Variants in CRYBG1 observed in about 807,000 individuals in gnomAD.
CRYBG1 encodes crystallin beta-gamma domain containing 1.
Under a neutral mutation model 189.2 loss-of-function variants are expected in CRYBG1, and 139 were observed. That is an observed-to-expected ratio of 0.73 (90% CI 0.64 to 0.85). The LOEUF (loss-of-function observed/expected upper bound fraction) is 0.85. Among genes scored for constraint, CRYBG1 ranks in the 40% least tolerant of loss-of-function variants. The pLI is 0.00. For synonymous variants in CRYBG1, 1,023 were observed against 1,017.1 expected (o/e 1.01, Z -0.11); for missense variants, 2,611 against 2,675.8 (o/e 0.98, Z 0.53).
intron 3 of CRYBG1, among the ~76,000 whole-genome samples, chr6:106,517,337 TATATACAC>T (rs1562098963): frequency 5.9e-5 from 7 of 118,078 alleles, no homozygotes; most frequent in African/African-American, 2.5e-4. Context: ...TACACATATA[TATATACAC>T]ACACATATAT....
chr6:106,430,986 C>T (rs192173839), intron 1 of CRYBG1, among the ~76,000 whole-genome samples: 5 of 152,178 alleles, frequency 3.3e-5, no homozygotes, highest in South Asian at 2.1e-4. Context: ...CTCAGCCTCC[C>T]GAGTGGCTGG....
At position 106,361,051 on chromosome 6, in the gene CRYBG1, A is replaced by T; in HGVS notation, c.143A>T (p.His48Leu). The change falls in exon 1 of 22, where the codon CAC becomes CTC. Residue 48 changes from histidine to leucine, a missense_variant. Physicochemically the swap from His to Leu is moderately conservative, Grantham distance 99. Coordinates refer to ENST00000633556, the MANE Select transcript of CRYBG1 (RefSeq NM_001371242.2). ...APPDCGVFVP[H>L]PLPAPAGEAR... ...CCTGACTGTGGGGTGTTCGTTCCGC[A>T]CCCGCTCCCGGCGCCTGCCGGAGAG... 6.5e-7 allele frequency: 1 copy of T among 1,533,966 alleles called. No homozygotes were observed. Among genetic ancestry groups the T allele is most frequent in the East Asian group, 2.5e-5 (1 of 40,704 alleles).
intron 2 of CRYBG1, among the ~76,000 whole-genome samples, chr6:106,505,455 C>T (rs1773110591): frequency 6.6e-6 from 1 of 152,076 alleles, no homozygotes; most frequent in South Asian, 2.1e-4. Flanking sequence ...TCTTGAACTC[C>T]TGACCTTAAG....
At chr6:106,455,937 A>T (rs118184107) in intron 2 of CRYBG1, among the ~76,000 whole-genome samples, 2 of 152,130 alleles carry the variant, frequency 1.3e-5, no homozygotes, top group Middle Eastern at 3.2e-3. Context: ...ACTCTAATCT[A>T]TAGACTATTG....
chr6:106,482,706 C>T (rs1417495607), intron 2 of CRYBG1, among the ~76,000 whole-genome samples: 1 of 152,078 alleles, frequency 6.6e-6, no homozygotes, highest in East Asian at 1.9e-4. Context: ...ACCGGGGAGA[C>T]AGAGGTTGCA....
At chr6:106,383,885 A>G (rs1349649445) in intron 1 of CRYBG1, among the ~76,000 whole-genome samples, 1 of 152,250 alleles carries the variant, frequency 6.6e-6, no homozygotes, top group Non-Finnish European at 1.5e-5. Context: ...TGAGATTAGT[A>G]CATGGGGCTA....
intron 17 of CRYBG1, among the ~76,000 whole-genome samples, 190 bp from the exon 18 acceptor site, chr6:106,558,292 AAACT>A (rs1458415390): frequency 2.6e-5 from 4 of 151,972 alleles, no homozygotes; most frequent in Non-Finnish European, 5.9e-5. Flanking sequence ...TGCAATGGAG[AAACT>A]AACTGCCCCT....
At chr6:106,543,301 ATAACAGGCGTGAG>A (rs1774178126) in intron 10 of CRYBG1, 126 bp from the exon 11 acceptor site, 4 of 756,642 alleles carry the variant, frequency 5.3e-6, no homozygotes, top group Non-Finnish European at 8.4e-6. Context: ...AAGTGCTGGG[ATAACAGGCGTGAG>A]CCACCGCGCC....
intron 1 of CRYBG1, among the ~76,000 whole-genome samples, 178 bp downstream of exon 1, chr6:106,361,259 G>A (rs757250230): frequency 6.6e-5 from 10 of 152,236 alleles, no homozygotes; most frequent in African/African-American, 9.6e-5. Flanking sequence ...GGGTTGACGA[G>A]GTTCCTCGCG....
At chr6:106,561,573 ATCTTT>A (rs1374145175) in intron 20 of CRYBG1, 73 bp downstream of exon 20, 31 of 1,506,366 alleles carry the variant, frequency 2.1e-5, no homozygotes, top group Non-Finnish European at 2.8e-5. Flanking sequence ...TATGCTTTTG[ATCTTT>A]TCTTCAAGTA....
intron 2 of CRYBG1, among the ~76,000 whole-genome samples, chr6:106,489,975 A>G (rs1179256796): frequency 6.6e-6 from 1 of 152,194 alleles, no homozygotes; most frequent in Non-Finnish European, 1.5e-5. Flanking sequence ...TAAAATGTCT[A>G]AAATGTGCAT....
chr6:106,473,334 T>C (rs1772274597), intron 2 of CRYBG1, among the ~76,000 whole-genome samples: 1 of 152,208 alleles, frequency 6.6e-6, no homozygotes, highest in Admixed American at 6.5e-5. Flanking sequence ...AACTCTTTCA[T>C]CCCACATCAC....
chr6:106,450,758 C>G (rs745905603), intron 1 of CRYBG1, among the ~76,000 whole-genome samples: 2 of 152,216 alleles, frequency 1.3e-5, no homozygotes, highest in African/African-American at 4.8e-5. Flanking sequence ...AGGCATGACA[C>G]TGGCCTGCAG....
At chr6:106,426,208 T>C (rs1395109240) in intron 1 of CRYBG1, among the ~76,000 whole-genome samples, 1 of 152,186 alleles carries the variant, frequency 6.6e-6, no homozygotes, top group African/African-American at 2.4e-5. Flanking sequence ...TCCATCTTCA[T>C]GTCTAAGTCA....
chr6:106,531,137 T>C (rs1439650659), intron 8 of CRYBG1, among the ~76,000 whole-genome samples: 1 of 152,240 alleles, frequency 6.6e-6, no homozygotes, highest in African/African-American at 2.4e-5. Context: ...ATCTCTGCAG[T>C]GAACAATAAG....
intron 2 of CRYBG1, among the ~76,000 whole-genome samples, chr6:106,493,848 G>T (rs1228049380): frequency 6.6e-6 from 1 of 152,172 alleles, no homozygotes; most frequent in East Asian, 1.9e-4. Flanking sequence ...GCTAATGGAT[G>T]CTGGGCTTAA....
rs751024918 is a variant in CRYBG1 at position 106,525,149 on chromosome 6, T to C, written c.4262T>C (p.Val1421Ala). 19 of 1,614,030 alleles carry C rather than the reference T, an allele frequency of 1.2e-5. No homozygotes were observed. Among genetic ancestry groups the C allele is most frequent in the Middle Eastern group, 1.6e-4 (1 of 6,082 alleles). Residue 1421 changes from valine to alanine, a missense_variant, in exon 5 of 22, where the codon GTC (valine) becomes GCC (alanine). Val to Ala is a moderately conservative substitution (Grantham distance 64). Transcript: ENST00000633556. ...LSDTMTLRGSVQNKLNPRPGK... is the reference protein window; with the variant it reads ...LSDTMTLRGSAQNKLNPRPGK... ...TGATTGCAGACACTTAGAGGAAGTG[T>C]CCAAAATAAACTCAATCCCCGACCT...
intron 1 of CRYBG1, among the ~76,000 whole-genome samples, chr6:106,384,735 GT>G (rs1347255298): frequency 2.6e-5 from 4 of 152,116 alleles, no homozygotes; most frequent in African/African-American, 9.6e-5. Flanking sequence ...TGTTAAGTAT[GT>G]TTTAAAAGTA....
Position 106,570,238 on chromosome 6 carries a change from T to C in CRYBG1, c.*1672T>C, listed in dbSNP as rs187320309. 4 of 152,364 alleles carry C rather than the reference T, an allele frequency of 2.6e-5. No homozygotes were observed. Among genetic ancestry groups the C allele is most frequent in the Admixed American group, 2.6e-4 (4 of 15,308 alleles). The allele number at this position is 152,364 out of a possible 1,614,324, so 9.4% of individuals were successfully genotyped here. Reference sequence around the variant, plus strand: ...AAATGCTGATCTTCTCTGGAGTCTATGGTAGGCAATTATGGTCACTGGAAT... The same window carrying C: ...AAATGCTGATCTTCTCTGGAGTCTACGGTAGGCAATTATGGTCACTGGAAT... On this transcript the variant is annotated 3_prime_UTR_variant, in exon 22 of 22. Coordinates refer to ENST00000633556, the MANE Select transcript of CRYBG1 (RefSeq NM_001371242.2).
Sources: gnomAD v4.1 joint callset for allele counts (sites outside exome capture counted in the v4.1 genomes callset) on GRCh38, gnomAD v4.1.1 for gene constraint, MANE v1.5 for transcripts, NCBI Gene and HGNC (gene_info 2026-07-23, HGNC 2026-07-21) for gene names.